OTOF: variants seen among roughly 807,000 people sequenced by gnomAD.
OTOF encodes fer-1-like family member 2.
OTOF carries 218 observed loss-of-function variants against 236.8 expected under a neutral mutation model. The observed-to-expected ratio is 0.92, with a 90% CI of 0.82 to 1.03. The LOEUF (loss-of-function observed/expected upper bound fraction) is 1.03. OTOF is among the 50% of genes least tolerant of loss of function. The pLI is 0.00. For synonymous variants in OTOF, 1,041 were observed against 1,072.5 expected, an observed-to-expected ratio of 0.97 and a Z score of 0.57; for missense variants, 2,590 against 2,694.4, an observed-to-expected ratio of 0.96 and a Z score of 0.86.
intron 5 of OTOF, among the ~76,000 whole-genome samples, chr2:26,513,492 G>T (rs1484383296): frequency 1.3e-5 from 2 of 152,250 alleles, no homozygotes; most frequent in South Asian, 4.1e-4. Flanking sequence ...TGCCCACTCA[G>T]TCTACCTCCC....
intron 1 of OTOF, among the ~76,000 whole-genome samples, chr2:26,553,931 G>C (rs1469101585): frequency 6.6e-6 from 1 of 152,130 alleles, no homozygotes; most frequent in African/African-American, 2.4e-5. Flanking sequence ...CCAGCACTTT[G>C]GGAGGCCGAG....
At chr2:26,504,248 C>A (rs34903510) in intron 5 of OTOF, among the ~76,000 whole-genome samples, 1 of 152,004 alleles carries the variant, frequency 6.6e-6, no homozygotes, top group African/African-American at 2.4e-5. Flanking sequence ...TCATCCTCCC[C>A]GGCTCAGCTG....
At position 26,537,730 on chromosome 2, in the gene OTOF, C is replaced by G; in HGVS notation, c.124G>C (p.Ala42Pro). ...GGGCCTCCTACCTCATCAAAGTCAG[C>G]CACATCCTCACAGTTCTCCAGGACC... ...SRVLENCEDV[A>P]DFDETFRWPV... Residue 42 changes from alanine to proline, a missense_variant, in exon 2 of 47, where the codon GCT (alanine) becomes CCT (proline). Ala to Pro is a conservative substitution (Grantham distance 27, BLOSUM62 -1). Transcript: ENST00000272371. 1 of 1,554,994 alleles carries G rather than the reference C, an allele frequency of 6.4e-7. No individual in the cohort carries two copies. The highest frequency in any genetic ancestry group is 1.2e-5 in the South Asian group (1 of 84,268).
At chr2:26,487,216 G>T (rs1317368726) in intron 11 of OTOF, among the ~76,000 whole-genome samples, 2 of 152,154 alleles carry the variant, frequency 1.3e-5, no homozygotes, top group Non-Finnish European at 2.9e-5. Context: ...GTCTCTGGGA[G>T]CATGCTGTCC....
At chr2:26,546,956 G>A (rs1667347938) in intron 1 of OTOF, among the ~76,000 whole-genome samples, 1 of 152,120 alleles carries the variant, frequency 6.6e-6, no homozygotes. Context: ...AATAAAGATA[G>A]TTTTACTTCT....
chr2:26,517,761 A>G (rs2148100548), intron 4 of OTOF, among the ~76,000 whole-genome samples: 1 of 152,300 alleles, frequency 6.6e-6, no homozygotes, highest in East Asian at 1.9e-4. Context: ...AACAATGGGT[A>G]GCGGAGATGG....
At chr2:26,483,673 A>G in intron 12 of OTOF, 25 bp from the exon 13 acceptor site, 1 of 1,608,402 alleles carries the variant, frequency 6.2e-7, no homozygotes. Flanking sequence ...AGCCAGGGCC[A>G]TGGTCACCAG....
intron 13 of OTOF, 148 bp from the exon 14 acceptor site, chr2:26,482,740 T>G: frequency 1.5e-6 from 1 of 655,722 alleles, no homozygotes; most frequent in Non-Finnish European, 2.7e-6. Context: ...TGGATGCATG[T>G]GTGCGTGTGT....
Position 26,477,461 on chromosome 2 carries a change from G to A in OTOF, c.2361C>T (p.Arg787=), listed in dbSNP as rs768064141. The A allele has an allele frequency of 2.7e-5, 44 of 1,603,382 alleles. No individual in the cohort carries two copies. Among genetic ancestry groups the A allele is most frequent in the Non-Finnish European group, 3.6e-5 (42 of 1,175,904 alleles). ...LADKDQGHSS[R]TRLDRERLKS... is the part of the protein sequence containing the mutation. ...TGAGGCGCTCCCGGTCAAGCCTGGTGCGGGATGAGTGGCCCTGGTCCTTGT... is the reference window on the plus strand; with the variant it reads ...TGAGGCGCTCCCGGTCAAGCCTGGTACGGGATGAGTGGCCCTGGTCCTTGT... Residue 787 remains arginine (R), a synonymous_variant, in exon 20 of 47, where the codon CGC becomes CGT. Coordinates refer to ENST00000272371, the MANE Select transcript of OTOF (RefSeq NM_194248.3). The surrounding 1 kb of genome is among the most constrained non-coding windows in gnomAD (Gnocchi z 4.7).
chr2:26,480,938 C>T lies in OTOF; in HGVS notation c.1651G>A (p.Glu551Lys), dbSNP rs374423873. The T allele has an allele frequency of 1.9e-6, 3 of 1,613,070 alleles. No individual in the cohort carries two copies. In the East Asian group the frequency reaches 6.7e-5, roughly 36 times the overall value. ...GSTRNYTLLDEHQDLNEGLGE... is the reference protein window; with the variant it reads ...GSTRNYTLLDKHQDLNEGLGE... ...AGGCCCTCGTTCAGGTCCTGATGCT[C>T]ATCCAGCAGCGTGTAGTTACGTGTG... Residue 551 changes from glutamate (E) to lysine (K), a missense_variant, in exon 15 of 47, where the codon GAG (glutamate) becomes AAG (lysine). Around this residue, in one of 2 missense-constraint regions of OTOF, gnomAD observed 1,379 missense variants for 1,341.6 expected, o/e 1.03. Coordinates refer to ENST00000272371, the MANE Select transcript of OTOF (RefSeq NM_194248.3).
chr2:26,550,732 A>C (rs1484897313), intron 1 of OTOF, among the ~76,000 whole-genome samples: 1 of 152,072 alleles, frequency 6.6e-6, no homozygotes, highest in Admixed American at 6.5e-5. Flanking sequence ...GCGCCTGCTG[A>C]GGCACTCAGC....
chr2:26,528,518 C>T (rs1455225066), intron 2 of OTOF, among the ~76,000 whole-genome samples: 1 of 152,210 alleles, frequency 6.6e-6, no homozygotes, highest in Non-Finnish European at 1.5e-5. Context: ...ACAGCCTGTC[C>T]CCAACTCATT....
At position 26,479,549 on chromosome 2, in the gene OTOF, C is replaced by A; in HGVS notation, c.2017G>T (p.Asp673Tyr). The A allele has an allele frequency of 1.2e-6, 2 of 1,612,390 alleles. No homozygotes were observed. The highest frequency in any genetic ancestry group is 1.7e-6 in the Non-Finnish European group (2 of 1,179,876). The part of the protein sequence containing the change: ...EEVDLIQNAS[D>Y]DEAGDAGDLA... ...TCCCCGGCATCACCGGCCTCGTCAT[C>A]ACTTGCGTTCTGAATCAGGTCTACT... is the stretch of plus-strand genomic sequence containing the variant. Residue 673 changes from aspartate (D) to tyrosine (Y), a missense_variant, in exon 17 of 47, where the codon GAT (aspartate) becomes TAT (tyrosine). Asp to Tyr is a radical substitution (Grantham distance 160). Coordinates refer to ENST00000272371, the MANE Select transcript of OTOF (RefSeq NM_194248.3).
At chr2:26,525,584 T>C (rs1300232799) in intron 3 of OTOF, among the ~76,000 whole-genome samples, 1 of 152,198 alleles carries the variant, frequency 6.6e-6, no homozygotes, top group Non-Finnish European at 1.5e-5. Flanking sequence ...GTATCTCCAG[T>C]GACTAGCATA....
rs764229574 is a variant in OTOF at position 26,479,308 on chromosome 2, G to A, written c.2170C>T (p.Arg724Cys). 35 of 1,612,340 alleles carry A rather than the reference G, an allele frequency of 2.2e-5. No homozygotes were observed. The highest frequency in any genetic ancestry group is 1.9e-4 in the African/African-American group (14 of 75,058). The change falls in exon 18 of 47, where the codon CGC (arginine) becomes TGC (cysteine). Residue 724 changes from arginine (R) to cysteine (C), a missense_variant. Arg to Cys is a radical substitution (Grantham distance 180). Transcript: ENST00000272371. The part of the protein sequence containing the change: ...IKSWWPDQRR[R>C]LYNANIMDHI... ...TCCATGATGTTGGCATTGTAGAGGC[G>A]GCGGCGCTGGTCCGGCCACCAGCTC... is the stretch of plus-strand genomic sequence containing the variant.
chr2:26,500,809 G>A (rs985372513), intron 8 of OTOF, among the ~76,000 whole-genome samples: 8 of 152,146 alleles, frequency 5.3e-5, no homozygotes, highest in African/African-American at 1.7e-4. Flanking sequence ...GGGAGGTGGG[G>A]TTGTCCGTAA....
At position 26,473,145 on chromosome 2, in the gene OTOF, G is replaced by GCTGGGGGCCGAGCGGT; in HGVS notation, c.3704_3719dup (p.Ser1240ArgfsTer57). ...ATGTGGCCATACCCGTGGTGTTCCA[G>GCTGGGGGCCGAGCGGT]CTGGGGGCCGAGCGGTCTGGGGGCC... On this transcript the variant is annotated frameshift_variant, in exon 29 of 47. Coordinates refer to ENST00000272371, the MANE Select transcript of OTOF (RefSeq NM_194248.3). LOFTEE classifies it high-confidence loss of function. The surrounding 1 kb of genome is among the most constrained non-coding windows in gnomAD (Gnocchi z 7.2). 1 of 1,612,410 alleles carries GCTGGGGGCCGAGCGGT rather than the reference G, an allele frequency of 6.2e-7. No individual in the cohort carries two copies. The highest frequency in any genetic ancestry group is 8.5e-7 in the Non-Finnish European group (1 of 1,179,838).
intron 5 of OTOF, among the ~76,000 whole-genome samples, chr2:26,504,304 G>A (rs1433119561): frequency 6.6e-6 from 1 of 152,130 alleles, no homozygotes; most frequent in East Asian, 1.9e-4. Flanking sequence ...TCAGAACGGC[G>A]GGGCAGGGAC....
intron 5 of OTOF, among the ~76,000 whole-genome samples, chr2:26,511,622 G>A (rs991871032): frequency 3.9e-5 from 6 of 152,204 alleles, no homozygotes; most frequent in African/African-American, 7.2e-5. Context: ...TAACCTTTAC[G>A]TTGGGCAAGC....
Sources: gnomAD v4.1 joint callset for allele counts (sites outside exome capture counted in the v4.1 genomes callset) on GRCh38, gnomAD v4.1.1 for gene constraint, gnomAD v4.1.1 regional missense constraint, Gnocchi (gnomAD v3.1) non-coding constraint, MANE v1.5 for transcripts, NCBI Gene and HGNC (gene_info 2026-07-23, HGNC 2026-07-21) for gene names.